RMDN2: variants seen among roughly 807,000 people sequenced by gnomAD.
RMDN2 encodes the protein regulator of microtubule dynamics 2, also known as regulator of microtubule dynamics protein 2.
In RMDN2, 61 loss-of-function variants were observed where a neutral mutation model predicts 52.8. The ratio of observed to expected loss-of-function variants is 1.16; its 90% CI spans 0.94 to 1.43. The LOEUF is 1.43. RMDN2 is among the 40% of genes most tolerant of loss of function. RMDN2 has a pLI of 0.00. For missense variants in RMDN2, 592 were observed against 475.3 expected, an observed-to-expected ratio of 1.25 and a Z score of -2.28; for synonymous variants, 180 against 153.1, an observed-to-expected ratio of 1.18 and a Z score of -1.30.
intron 2 of RMDN2, among the ~76,000 whole-genome samples, chr2:37,960,557 C>G (rs538759702): frequency 4.1e-4 from 63 of 152,078 alleles, no homozygotes; most frequent in African/African-American, 1.3e-3. Context: ...TATGGGTCTC[C>G]TGAATACAGC....
At chr2:38,042,984 G>A (rs1681059899) in intron 10 of RMDN2, among the ~76,000 whole-genome samples, 1 of 152,130 alleles carries the variant, frequency 6.6e-6, no homozygotes, top group Non-Finnish European at 1.5e-5. Flanking sequence ...CTATTGGATG[G>A]AGAATTCTAT....
intron 2 of RMDN2, among the ~76,000 whole-genome samples, chr2:37,955,748 C>T (rs758856401): frequency 2.0e-5 from 3 of 152,106 alleles, no homozygotes; most frequent in Non-Finnish European, 4.4e-5. Flanking sequence ...TCTGAGGCCT[C>T]CCCAGCTATG....
intron 10 of RMDN2, among the ~76,000 whole-genome samples, chr2:38,062,781 C>A (rs1682108873): frequency 1.5e-5 from 2 of 135,312 alleles, no homozygotes; most frequent in South Asian, 2.7e-4. Context: ...CCCCCCCCCA[C>A]AACAGTCCCC....
chr2:37,950,985 T>A (rs1668706227), intron 2 of RMDN2, among the ~76,000 whole-genome samples: 1 of 152,090 alleles, frequency 6.6e-6, no homozygotes, highest in Non-Finnish European at 1.5e-5. Flanking sequence ...TTCCCAAGGT[T>A]TAATAGAGTG....
chr2:37,934,716 A>C (rs1028568167), intron 2 of RMDN2, among the ~76,000 whole-genome samples: 1 of 152,106 alleles, frequency 6.6e-6, no homozygotes, highest in African/African-American at 2.4e-5. Context: ...CTTTGAGGAC[A>C]CGGTAAAAAA....
intron 1 of RMDN2, among the ~76,000 whole-genome samples, chr2:37,928,337 A>G (rs1413276266): frequency 6.6e-5 from 10 of 152,224 alleles, no homozygotes; most frequent in Admixed American, 6.5e-4. Flanking sequence ...CCTAACCAGT[A>G]GACCACCAAG....
Position 37,985,876 on chromosome 2 carries a change from A to G in RMDN2, c.792-3665A>G, listed in dbSNP as rs750142117. On this transcript the variant is annotated intron_variant, in intron 5 of 10. Coordinates refer to ENST00000354545, the MANE Select transcript of RMDN2 (RefSeq NM_001170791.3). ...GAAATTTGAATAAAATATAGATTTT[A>G]GTTAATAGTGTATTAATATTGGTTC... Among the ~76,000 whole-genome samples the G allele has an allele frequency of 1.3e-4, 20 of 152,220 alleles. 1 individual carries two copies. The highest frequency in any genetic ancestry group is 6.5e-5 in the Admixed American group (1 of 15,286).
intron 10 of RMDN2, among the ~76,000 whole-genome samples, chr2:38,026,253 A>G (rs1679774454): frequency 6.6e-6 from 1 of 152,148 alleles, no homozygotes; most frequent in South Asian, 2.1e-4. Context: ...GCACAAATTT[A>G]ATAATATTCC....
At chr2:38,030,218 A>G (rs1175489237) in intron 10 of RMDN2, 3 of 152,220 alleles carry the variant, frequency 2.0e-5, no homozygotes, top group African/African-American at 7.2e-5. Flanking sequence ...CAAAAACATT[A>G]CAGATCTGTG....
intron 10 of RMDN2, among the ~76,000 whole-genome samples, chr2:38,053,585 C>G (rs545184638): frequency 3.2e-4 from 49 of 152,248 alleles, no homozygotes; most frequent in African/African-American, 1.1e-3. Flanking sequence ...AAAAATTTAC[C>G]TGAATGAATT....
chr2:37,949,123 A>G (rs1289006777), intron 2 of RMDN2, among the ~76,000 whole-genome samples: 2 of 152,174 alleles, frequency 1.3e-5, no homozygotes, highest in African/African-American at 4.8e-5. Flanking sequence ...GTCTCACAAG[A>G]GAGGGAAAAT....
upstream of RMDN2, chr2:37,923,060 T>C (rs1455117167): frequency 6.6e-6 from 1 of 152,200 alleles, no homozygotes. Context: ...CTTAGTATGT[T>C]CTGGTTTTTC....
chr2:37,940,122 ATTTC>A (rs1357139658), intron 2 of RMDN2, among the ~76,000 whole-genome samples: 2 of 152,126 alleles, frequency 1.3e-5, no homozygotes, highest in Non-Finnish European at 2.9e-5. Flanking sequence ...AAAGGGTTTT[ATTTC>A]TTCTTCACTT....
chr2:38,007,133 C>T (rs974599360), intron 10 of RMDN2, among the ~76,000 whole-genome samples: 65 of 152,192 alleles, frequency 4.3e-4, no homozygotes, highest in Non-Finnish European at 7.9e-4. Flanking sequence ...ATTTTTGCAT[C>T]GATGTTCATC....
In RMDN2 at chr2:38,026,392, A is replaced by G. The variant is rs115868475; in HGVS notation, c.1713+22176A>G. On this transcript the variant is annotated intron_variant, in intron 10 of 10. Coordinates refer to the RMDN2 transcript ENST00000234195. ...TACCCTACAGGTAACATTATAACCA[A>G]TGGCTGGAAGTTTATCAATGTTGCT... is the stretch of plus-strand genomic sequence containing the variant. Among the ~76,000 whole-genome samples, 494 of 152,224 alleles carry G rather than the reference A, an allele frequency of 3.2e-3. 2 individuals are homozygous for G. The highest frequency in any genetic ancestry group is 7.4e-3 in the African/African-American group (307 of 41,542).
chr2:38,024,316 G>A (rs1196293573), intron 10 of RMDN2, among the ~76,000 whole-genome samples: 1 of 152,142 alleles, frequency 6.6e-6, no homozygotes, highest in Non-Finnish European at 1.5e-5. Context: ...GGAGTAGGAA[G>A]TATGGTAGAT....
At chr2:37,967,379 A>G (rs1244056869) in intron 2 of RMDN2, among the ~76,000 whole-genome samples, 1 of 152,254 alleles carries the variant, frequency 6.6e-6, no homozygotes, top group Admixed American at 6.5e-5. Flanking sequence ...CATTTCTTTA[A>G]GGAATCATAA....
At chr2:37,971,860 C>T (rs1052620815) in intron 2 of RMDN2, among the ~76,000 whole-genome samples, 3 of 152,116 alleles carry the variant, frequency 2.0e-5, no homozygotes, top group Non-Finnish European at 4.4e-5. Context: ...CTTTTAGAAT[C>T]ATCTTATTTA....
chr2:37,993,380 A>C (rs1326593046), intron 7 of RMDN2, among the ~76,000 whole-genome samples: 1 of 152,218 alleles, frequency 6.6e-6, no homozygotes, highest in East Asian at 1.9e-4. Flanking sequence ...AGCAAGTATG[A>C]GCAAATGTGT....
Sources: gnomAD v4.1 joint callset for allele counts (sites outside exome capture counted in the v4.1 genomes callset) on GRCh38, gnomAD v4.1.1 for gene constraint, MANE v1.5 for transcripts, NCBI Gene and HGNC (gene_info 2026-07-23, HGNC 2026-07-21) for gene names.